Variants in CNTN5 observed in about 807,000 individuals in gnomAD.
CNTN5 encodes contactin 5, also known as contactin-5.
A neutral mutation model predicts 129.1 loss-of-function variants in CNTN5; 77 were observed. That is an observed-to-expected ratio of 0.60 (90% CI 0.50 to 0.72). CNTN5 has a LOEUF of 0.72. Ranked by LOEUF, CNTN5 falls within the 30% of genes least tolerant of loss-of-function variation. The pLI, the probability that CNTN5 is intolerant of heterozygous loss-of-function variation, is 0.00. For synonymous variants in CNTN5, 509 were observed against 465.6 expected, an observed-to-expected ratio of 1.09 and a Z score of -1.20; for missense variants, 1,478 against 1,328.8, an observed-to-expected ratio of 1.11 and a Z score of -1.75.
chr11:99,817,271 C>T lies in CNTN5; in HGVS notation c.56-2273C>T, dbSNP rs574924027. On this transcript the variant is annotated intron_variant, in intron 3 of 24. Transcript: ENST00000524871. ...TGCCACATTTCTAGTAACAGCTTTG[C>T]GTTCACATTAATTGATGAAAAGGGA... Among the ~76,000 whole-genome samples the T allele has an allele frequency of 3.9e-5, 6 of 152,256 alleles. No homozygotes were observed. The South Asian group carries it at 8.3e-4, about 21-fold the overall frequency.
At chr11:100,054,804 TGTAA>T (rs1355009928) in intron 9 of CNTN5, among the ~76,000 whole-genome samples, 3 of 151,720 alleles carry the variant, frequency 2.0e-5, no homozygotes, top group South Asian at 4.1e-4. Context: ...ATCTCATTCA[TGTAA>T]CATCTGACAG....
chr11:100,204,112 C>T (rs1005524967), intron 15 of CNTN5, among the ~76,000 whole-genome samples: 2 of 150,460 alleles, frequency 1.3e-5, no homozygotes, highest in African/African-American at 4.9e-5. Context: ...TTTTTTTCCT[C>T]TTCTAGTCTT....
chr11:99,307,814 A>G lies in CNTN5; in HGVS notation c.-209-17532A>G, dbSNP rs373490475. 7.9e-5 allele frequency among the ~76,000 whole-genome samples: 12 copies of G among 152,304 alleles called. No homozygotes were observed. The South Asian group carries it at 1.9e-3, about 24-fold the overall frequency. On this transcript the variant is annotated intron_variant, in intron 1 of 24. Coordinates refer to ENST00000524871, the MANE Select transcript of CNTN5 (RefSeq NM_014361.4). ...TAATTAAAGAAAATGTCAGGCTGTC[A>G]TATTTTACAAGAGGGCCATGGGAAT...
At chr11:99,581,555 C>T (rs1297492517) in intron 3 of CNTN5, among the ~76,000 whole-genome samples, 1 of 151,782 alleles carries the variant, frequency 6.6e-6, no homozygotes, top group African/African-American at 2.4e-5. Flanking sequence ...GTTAGCTCTT[C>T]TTGTTGAATT....
intron 3 of CNTN5, among the ~76,000 whole-genome samples, chr11:99,735,798 A>T (rs894178635): frequency 2.6e-5 from 4 of 152,148 alleles, no homozygotes; most frequent in African/African-American, 7.2e-5. Flanking sequence ...GTGTGTAGAG[A>T]ACATAAAATC....
chr11:99,678,248 G>A (rs1432075707), intron 3 of CNTN5, among the ~76,000 whole-genome samples: 2 of 151,980 alleles, frequency 1.3e-5, no homozygotes, highest in Non-Finnish European at 2.9e-5. Context: ...TGGTTAAGTA[G>A]CAAGTAAGTT....
intron 16 of CNTN5, among the ~76,000 whole-genome samples, chr11:100,245,948 A>G (rs1389200246): frequency 6.6e-6 from 1 of 152,136 alleles, no homozygotes; most frequent in African/African-American, 2.4e-5. Flanking sequence ...CTTCTACTTG[A>G]TAGATGAGCA....
intron 4 of CNTN5, 51 bp downstream of exon 4, chr11:99,819,816 A>G (rs986070036): frequency 3.3e-6 from 2 of 612,322 alleles, no homozygotes; most frequent in African/African-American, 4.9e-5. Context: ...GGCAAAGAAG[A>G]CTTATTTAAT....
intron 2 of CNTN5, among the ~76,000 whole-genome samples, chr11:99,467,313 A>T (rs112035367): frequency 6.6e-6 from 1 of 152,014 alleles, no homozygotes; most frequent in Non-Finnish European, 1.5e-5. Context: ...TTTACTATTT[A>T]CTTTATAATT....
intron 4 of CNTN5, among the ~76,000 whole-genome samples, chr11:99,828,324 T>C (rs899059328): frequency 1.9e-4 from 29 of 152,268 alleles, no homozygotes; most frequent in African/African-American, 7.0e-4. Flanking sequence ...ACAGGCTGGG[T>C]AATTTAAAAT....
intron 3 of CNTN5, among the ~76,000 whole-genome samples, chr11:99,637,761 A>G (rs1194392182): frequency 6.6e-6 from 1 of 151,494 alleles, no homozygotes; most frequent in East Asian, 1.9e-4. Context: ...TACATTTCCT[A>G]TTTGTCTCTA....
chr11:100,254,748 G>T (rs544806522), intron 16 of CNTN5, among the ~76,000 whole-genome samples: 1 of 152,232 alleles, frequency 6.6e-6, no homozygotes, highest in East Asian at 1.9e-4. Context: ...TTAGGGTTTA[G>T]CTCATGTCTC....
intron 24 of CNTN5, among the ~76,000 whole-genome samples, chr11:100,351,657 T>TAAAAAAAAAA (rs60798966): frequency 8.7e-5 from 9 of 103,594 alleles, no homozygotes; most frequent in East Asian, 5.0e-4. Flanking sequence ...GTAGAGATAG[T>TAAAAAAAAAA]AAAAAAAAAA....
At chr11:100,129,415 A>G (rs1487294990) in intron 13 of CNTN5, among the ~76,000 whole-genome samples, 3 of 152,088 alleles carry the variant, frequency 2.0e-5, no homozygotes, top group African/African-American at 4.8e-5. Flanking sequence ...CCATTTTTCT[A>G]TGCTTCCATT....
chr11:99,650,350 A>G (rs1442004940), intron 3 of CNTN5, among the ~76,000 whole-genome samples: 1 of 151,828 alleles, frequency 6.6e-6, no homozygotes, highest in Non-Finnish European at 1.5e-5. Context: ...ACTCTAAGCA[A>G]GTGGAGTTAG....
intron 1 of CNTN5, among the ~76,000 whole-genome samples, chr11:99,045,589 T>C (rs1208248234): frequency 2.0e-5 from 3 of 152,222 alleles, no homozygotes; most frequent in Admixed American, 6.5e-5. Flanking sequence ...CTAAAAGCCA[T>C]TTCAGAACTG....
In CNTN5 at chr11:100,340,470, A is replaced by G. The variant is rs199879284; in HGVS notation, c.2738A>G (p.Tyr913Cys). The stretch of plus-strand genomic sequence containing the variant: ...GTGATAATTTGTTGATAGGTTGGTT[A>G]CTGGAAAGACATGGAACAGGAAGAT... ...LGRPQGFEVGYWKDMEQEDTA... is the reference protein window; with the variant it reads ...LGRPQGFEVGCWKDMEQEDTA... Residue 913 changes from tyrosine to cysteine, a missense_variant, in exon 22 of 25, where the codon TAC (tyrosine) becomes TGC (cysteine). Tyr to Cys is a radical substitution (Grantham distance 194). Coordinates refer to ENST00000524871, the MANE Select transcript of CNTN5 (RefSeq NM_014361.4). 38 of 1,607,304 alleles carry G rather than the reference A, an allele frequency of 2.4e-5. No homozygotes were observed. Among genetic ancestry groups the G allele is most frequent in the Non-Finnish European group, 3.1e-5 (37 of 1,176,538 alleles).
rs568529140 is a variant in CNTN5 at position 100,323,821 on chromosome 11, T to C, written c.2730+15353T>C. Among the ~76,000 whole-genome samples the C allele has an allele frequency of 3.9e-5, 6 of 152,282 alleles. No individual in the cohort carries two copies. In the East Asian group the frequency reaches 1.2e-3, roughly 29 times the overall value. On this transcript the variant is annotated intron_variant, in intron 21 of 24. Coordinates refer to ENST00000524871, the MANE Select transcript of CNTN5 (RefSeq NM_014361.4). ...AGGTTTAAAATTTATTGCTCTATTT[T>C]GAACATCTTAAGATGGATATTCACT...
rs149114131 is a variant in CNTN5, at chr11:100,085,701, A to T, written c.1580+11407A>T. 4.6e-5 allele frequency among the ~76,000 whole-genome samples: 7 copies of T among 152,214 alleles called. No homozygotes were observed. The East Asian group carries it at 5.8e-4, about 13-fold the overall frequency. On this transcript the variant is annotated intron_variant, in intron 13 of 24. Coordinates refer to ENST00000524871, the MANE Select transcript of CNTN5 (RefSeq NM_014361.4). The stretch of plus-strand genomic sequence containing the variant: ...ATAAGATACGATTTTAAATAATATA[A>T]TCCTGATTATAAATAATTAAATCAT...
Sources: gnomAD v4.1 joint callset for allele counts (sites outside exome capture counted in the v4.1 genomes callset) on GRCh38, gnomAD v4.1.1 for gene constraint, MANE v1.5 for transcripts, NCBI Gene and HGNC (gene_info 2026-07-23, HGNC 2026-07-21) for gene names.